DGKB: variants seen among roughly 807,000 people sequenced by gnomAD.
DGKB encodes 90 kDa diacylglycerol kinase.
A neutral mutation model predicts 114.3 loss-of-function variants in DGKB; 67 were observed. That is an observed-to-expected ratio of 0.59 (90% CI 0.48 to 0.72). The LOEUF (loss-of-function observed/expected upper bound fraction) is 0.72. Ranked by LOEUF, DGKB falls within the 30% of genes least tolerant of loss-of-function variation. The pLI is 0.00. For synonymous variants in DGKB, 398 were observed against 323.1 expected, an observed-to-expected ratio of 1.23 and a Z score of -2.49; for missense variants, 907 against 975.2, an observed-to-expected ratio of 0.93 and a Z score of 0.93.
At chr7:14,664,212 C>G (rs1817642295) in intron 13 of DGKB, among the ~76,000 whole-genome samples, 1 of 152,048 alleles carries the variant, frequency 6.6e-6, no homozygotes, top group Non-Finnish European at 1.5e-5. Flanking sequence ...CATATTGGAT[C>G]TTACCATCAT....
In DGKB at chr7:14,372,098, C is replaced by T. The variant is rs557552893; in HGVS notation, c.1836-26707G>A. ...CTCCAAGCCTCTCTCCAAGGCAGTTCCAGTGCTCAGGAGAAACAAAATGCT... is the reference window on the plus strand; with the variant it reads ...CTCCAAGCCTCTCTCCAAGGCAGTTTCAGTGCTCAGGAGAAACAAAATGCT... On this transcript the variant is annotated intron_variant, in intron 21 of 25. Coordinates refer to ENST00000402815, the MANE Select transcript of DGKB (RefSeq NM_001350709.2). Among the ~76,000 whole-genome samples the T allele has an allele frequency of 3.9e-5, 6 of 152,282 alleles. No homozygotes were observed. In the South Asian group the frequency reaches 1.2e-3, roughly 32 times the overall value.
intron 1 of DGKB, among the ~76,000 whole-genome samples, chr7:14,966,249 G>A (rs767584642): frequency 6.6e-5 from 10 of 151,940 alleles, no homozygotes; most frequent in Non-Finnish European, 1.0e-4. Flanking sequence ...ATAGTACACT[G>A]ATGAACCCAG....
At chr7:14,692,383 C>T (rs954510106) in intron 9 of DGKB, among the ~76,000 whole-genome samples, 7 of 151,978 alleles carry the variant, frequency 4.6e-5, no homozygotes, top group Admixed American at 3.3e-4. Flanking sequence ...ATGTCCTTCT[C>T]GGGAATCATT....
At chr7:14,227,672 T>A (rs1791030674) in intron 23 of DGKB, among the ~76,000 whole-genome samples, 1 of 151,958 alleles carries the variant, frequency 6.6e-6, no homozygotes, top group Non-Finnish European at 1.5e-5. Flanking sequence ...CTGGAGTATA[T>A]TAAAAATGCA....
intron 21 of DGKB, among the ~76,000 whole-genome samples, chr7:14,351,164 C>T (rs1290123938): frequency 6.6e-6 from 1 of 152,146 alleles, no homozygotes; most frequent in African/African-American, 2.4e-5. Context: ...ACATTTATGT[C>T]ATAGAATCAA....
At chr7:14,175,466 T>A (rs1781585174) in intron 25 of DGKB, among the ~76,000 whole-genome samples, 3 of 152,098 alleles carry the variant, frequency 2.0e-5, no homozygotes, top group Admixed American at 2.0e-4. Context: ...CATTAATAAA[T>A]TTTTCCTGTT....
rs374610278 is a variant in DGKB, at chr7:14,203,161, C to CAAA, written c.2123-25013_2123-25011dup. On this transcript the variant is annotated intron_variant, in intron 23 of 25. Transcript: ENST00000402815. Reference sequence around the variant, plus strand: ...GGCCAGTATCAAAAAGAGCAGTAGCCAAAAAAAAAAAAAAAAGTTAAAAGT... The same window carrying CAAA: ...GGCCAGTATCAAAAAGAGCAGTAGCCAAAAAAAAAAAAAAAAAAAGTTAAAAGT... 9.8e-4 allele frequency among the ~76,000 whole-genome samples: 94 copies of CAAA among 96,142 alleles called. 1 individual carries two copies. Among genetic ancestry groups the CAAA allele is most frequent in the Admixed American group, 5.9e-3 (54 of 9,218 alleles). The allele number at this position is 96,142 out of a possible 152,430, so 63.1% of individuals were successfully genotyped here.
At chr7:14,550,032 G>A (rs534178247) in intron 20 of DGKB, among the ~76,000 whole-genome samples, 9 of 150,592 alleles carry the variant, frequency 6.0e-5, no homozygotes, top group Non-Finnish European at 1.2e-4. Context: ...TAATGAACAA[G>A]CAATTTTTGA....
At chr7:14,808,120 A>G (rs751915165) in intron 2 of DGKB, among the ~76,000 whole-genome samples, 3 of 152,040 alleles carry the variant, frequency 2.0e-5, no homozygotes, top group Non-Finnish European at 2.9e-5. Context: ...CCTCTTTTAG[A>G]TAGACAGAAG....
chr7:14,605,467 G>A (rs1300302029), intron 17 of DGKB, among the ~76,000 whole-genome samples: 1 of 151,144 alleles, frequency 6.6e-6, no homozygotes, highest in Non-Finnish European at 1.5e-5. Context: ...ATTAGATTGG[G>A]AAGCTACAGC....
chr7:14,646,351 T>C (rs1282430409), intron 13 of DGKB, among the ~76,000 whole-genome samples: 2 of 152,076 alleles, frequency 1.3e-5, no homozygotes, highest in Admixed American at 1.3e-4. Flanking sequence ...AATAAACATA[T>C]ATATACACAC....
intron 20 of DGKB, among the ~76,000 whole-genome samples, chr7:14,508,594 A>C (rs1787479224): frequency 6.6e-6 from 1 of 152,188 alleles, no homozygotes; most frequent in Non-Finnish European, 1.5e-5. Flanking sequence ...CTTAGCAACT[A>C]CTGTAAAAGG....
At chr7:14,733,592 G>A (rs552186634) in intron 5 of DGKB, among the ~76,000 whole-genome samples, 1 of 152,202 alleles carries the variant, frequency 6.6e-6, no homozygotes, top group African/African-American at 2.4e-5. Flanking sequence ...GGAGGTTGGG[G>A]CAGGAGGATC....
intron 2 of DGKB, among the ~76,000 whole-genome samples, chr7:14,826,859 G>C (rs549638227): frequency 6.6e-5 from 10 of 152,076 alleles, no homozygotes; most frequent in Admixed American, 5.2e-4. Flanking sequence ...TGCCATCTAA[G>C]ATATGCTCTG....
intron 21 of DGKB, among the ~76,000 whole-genome samples, chr7:14,392,504 A>C (rs895264760): frequency 6.6e-6 from 1 of 152,254 alleles, no homozygotes; most frequent in African/African-American, 2.4e-5. Flanking sequence ...AGAACATATA[A>C]ATAAATGAAT....
intron 21 of DGKB, among the ~76,000 whole-genome samples, chr7:14,463,941 C>T (rs986358269): frequency 1.3e-5 from 2 of 151,906 alleles, no homozygotes; most frequent in African/African-American, 4.8e-5. Context: ...AGGTTTACAA[C>T]TGTTTATTAG....
intron 25 of DGKB, among the ~76,000 whole-genome samples, chr7:14,167,989 C>G (rs1784855515): frequency 6.6e-6 from 1 of 152,104 alleles, no homozygotes; most frequent in African/African-American, 2.4e-5. Context: ...GATGCAAACC[C>G]TGAGATGATA....
At chr7:14,670,397 G>A (rs1465521914) in intron 13 of DGKB, among the ~76,000 whole-genome samples, 1 of 151,600 alleles carries the variant, frequency 6.6e-6, no homozygotes, top group Middle Eastern at 3.2e-3. Context: ...CCGCCTCCAG[G>A]GTTCAAGCGA....
At chr7:14,459,269 G>A (rs1832739275) in intron 21 of DGKB, among the ~76,000 whole-genome samples, 1 of 152,070 alleles carries the variant, frequency 6.6e-6, no homozygotes, top group African/African-American at 2.4e-5. Context: ...GGTAGCTGTG[G>A]GTGCAGCTTC....
Sources: gnomAD v4.1 joint callset for allele counts (sites outside exome capture counted in the v4.1 genomes callset) on GRCh38, gnomAD v4.1.1 for gene constraint, MANE v1.5 for transcripts, NCBI Gene and HGNC (gene_info 2026-07-23, HGNC 2026-07-21) for gene names.